Variants in TENM2 observed in about 807,000 individuals in gnomAD.
TENM2 encodes teneurin-2.
In TENM2, 52 loss-of-function variants were observed where a neutral mutation model predicts 245.2. The ratio of observed to expected loss-of-function variants is 0.21; its 90% confidence interval spans 0.17 to 0.27. TENM2 has a LOEUF of 0.27. Among genes scored for constraint, TENM2 ranks in the 10% least tolerant of loss-of-function variants. The probability of loss-of-function intolerance (pLI) is 1.00; values close to 1 mark genes in which losing one functional copy is unlikely to be tolerated. For synonymous variants in TENM2, 1,363 were observed against 1,438.9 expected, an observed-to-expected ratio of 0.95 and a Z score of 1.19; for missense variants, 3,046 against 3,666.8, an observed-to-expected ratio of 0.83 and a Z score of 4.37.
At chr5:167,552,371 C>T (rs995031462) in intron 2 of TENM2, among the ~76,000 whole-genome samples, 8 of 152,120 alleles carry the variant, frequency 5.3e-5, no homozygotes, top group Non-Finnish European at 7.4e-5. Context: ...ATTTTGAGAA[C>T]GATAATTCTT....
intron 13 of TENM2, among the ~76,000 whole-genome samples, chr5:168,163,210 A>G (rs1757907399): frequency 6.6e-6 from 1 of 152,254 alleles, no homozygotes; most frequent in Admixed American, 6.5e-5. Flanking sequence ...GTGATTAAGT[A>G]ACTTTTTCGA....
intron 13 of TENM2, chr5:168,166,000 G>C (rs1758270077): frequency 6.6e-6 from 1 of 152,104 alleles, no homozygotes; most frequent in African/African-American, 2.4e-5. Flanking sequence ...CCTAGGAGGT[G>C]TGCTAAGCAC....
chr5:168,007,352 C>T (rs1784902613), intron 5 of TENM2, among the ~76,000 whole-genome samples: 1 of 152,200 alleles, frequency 6.6e-6, no homozygotes. Context: ...TCGTCTCGGA[C>T]TCCTGACCTC....
At chr5:168,065,362 T>C (rs1226154681) in intron 7 of TENM2, among the ~76,000 whole-genome samples, 1 of 152,174 alleles carries the variant, frequency 6.6e-6, no homozygotes, top group Non-Finnish European at 1.5e-5. Flanking sequence ...ATGTCCAGAA[T>C]GTAGACTCTG....
At chr5:168,236,042 CAGA>C (rs987077270) in intron 25 of TENM2, among the ~76,000 whole-genome samples, 2 of 152,164 alleles carry the variant, frequency 1.3e-5, no homozygotes, top group South Asian at 2.1e-4. Flanking sequence ...GTATCCTGAA[CAGA>C]AGGAGAGCTC....
At chr5:167,826,358 A>G (rs994923292) in intron 2 of TENM2, among the ~76,000 whole-genome samples, 5 of 152,110 alleles carry the variant, frequency 3.3e-5, no homozygotes, top group African/African-American at 1.2e-4. Context: ...ATTCAAATGG[A>G]TTTCACTATA....
the TENM2 span, among the ~76,000 whole-genome samples, chr5:167,067,303 A>AT: frequency 8.6e-4 from 131 of 152,066 alleles, no homozygotes; most frequent in African/African-American, 3.0e-3. Flanking sequence ...CTTTTGCAGA[A>AT]TTTTTTTTCC....
intron 2 of TENM2, among the ~76,000 whole-genome samples, chr5:167,751,128 G>A (rs913882945): frequency 6.6e-6 from 1 of 152,066 alleles, no homozygotes; most frequent in African/African-American, 2.4e-5. Flanking sequence ...AGGAAGCAGG[G>A]GAGAGGAGGG....
At chr5:167,026,894 A>C in the TENM2 span, among the ~76,000 whole-genome samples, 1 of 152,206 alleles carries the variant, frequency 6.6e-6, no homozygotes, top group Non-Finnish European at 1.5e-5. Context: ...CGAATGAGCT[A>C]CTTGAAGCAG....
the TENM2 span, among the ~76,000 whole-genome samples, chr5:167,194,899 A>G: frequency 6.6e-6 from 1 of 151,996 alleles, no homozygotes; most frequent in Non-Finnish European, 1.5e-5. Context: ...TTATACGGCT[A>G]TTTACTAACA....
intron 2 of TENM2, among the ~76,000 whole-genome samples, chr5:167,681,668 AT>A (rs2150377244): frequency 6.6e-6 from 1 of 152,230 alleles, no homozygotes; most frequent in East Asian, 1.9e-4. Context: ...ATATGTATGC[AT>A]ATCATATACA....
chr5:167,965,803 A>T (rs1368186454), intron 4 of TENM2, among the ~76,000 whole-genome samples: 3 of 152,166 alleles, frequency 2.0e-5, no homozygotes, highest in African/African-American at 7.2e-5. Flanking sequence ...AGTTATTTAC[A>T]TGTCACCCAT....
intron 13 of TENM2, among the ~76,000 whole-genome samples, chr5:168,182,034 T>C (rs2152492668): frequency 6.6e-6 from 1 of 152,290 alleles, no homozygotes; most frequent in Non-Finnish European, 1.5e-5. Flanking sequence ...GGAAGGAGGA[T>C]GCCTGAGGAG....
intron 3 of TENM2, among the ~76,000 whole-genome samples, chr5:167,923,933 C>T (rs1180278842): frequency 2.6e-5 from 4 of 152,172 alleles, no homozygotes; most frequent in African/African-American, 9.7e-5. Context: ...CAAGCAGAAA[C>T]ATGCCAGAAT....
chr5:167,010,831 G>C, the TENM2 span, among the ~76,000 whole-genome samples: 1 of 152,108 alleles, frequency 6.6e-6, no homozygotes, highest in Non-Finnish European at 1.5e-5. Context: ...CAGTTTCTTG[G>C]ACGAGTGATA....
chr5:167,706,125 A>G (rs1582803174), intron 2 of TENM2, among the ~76,000 whole-genome samples: 1 of 146,000 alleles, frequency 6.8e-6, no homozygotes, highest in Non-Finnish European at 1.5e-5. Context: ...TAATTATACC[A>G]GTATATATAC....
At chr5:167,718,633 A>G (rs762088574) in intron 2 of TENM2, among the ~76,000 whole-genome samples, 2 of 152,216 alleles carry the variant, frequency 1.3e-5, no homozygotes, top group Non-Finnish European at 1.5e-5. Context: ...TATTTTATCC[A>G]TTGTATAGTG....
At chr5:167,321,822 G>GGGT (rs1436417471) in intron 1 of TENM2, among the ~76,000 whole-genome samples, 1 of 55,884 alleles carries the variant, frequency 1.8e-5, no homozygotes, top group Non-Finnish European at 3.8e-5. Flanking sequence ...GCGGGGGGGG[G>GGGT]GGTGGATGGA....
chr5:167,832,689 A>G (rs1250636654), intron 2 of TENM2, among the ~76,000 whole-genome samples: 4 of 152,092 alleles, frequency 2.6e-5, no homozygotes, highest in African/African-American at 9.7e-5. Context: ...AGAGGAAATA[A>G]AAGGAGAGAG....
Sources: gnomAD v4.1 joint callset for allele counts (sites outside exome capture counted in the v4.1 genomes callset) on GRCh38, gnomAD v4.1.1 for gene constraint, MANE v1.5 for transcripts, NCBI Gene and HGNC (gene_info 2026-07-23, HGNC 2026-07-21) for gene names.